The following AXL variants were observed in gnomAD, a reference collection of about 807,000 sequenced individuals.
AXL encodes the protein tyrosine-protein kinase receptor UFO.
Under a neutral mutation model 104.5 loss-of-function variants are expected in AXL, and 52 were observed. The observed-to-expected ratio is 0.50, with a 90% CI of 0.40 to 0.63. AXL has a LOEUF of 0.63. AXL is among the 20% of genes least tolerant of loss of function. The pLI is 0.00. For synonymous variants in AXL, 455 were observed against 473.7 expected, an observed-to-expected ratio of 0.96 and a Z score of 0.51; for missense variants, 1,024 against 1,188.5, an observed-to-expected ratio of 0.86 and a Z score of 2.04.
Position 41,231,008 on chromosome 19 carries a change from G to T in AXL, c.628G>T (p.Ala210Ser). The T allele has an allele frequency of 6.2e-7, 1 of 1,613,896 alleles. No individual in the cohort carries two copies. Among genetic ancestry groups the T allele is most frequent in the Non-Finnish European group, 8.5e-7 (1 of 1,179,908 alleles). The change falls in exon 5 of 20, where the codon GCC (alanine) becomes TCC (serine). Residue 210 changes from alanine (A) to serine (S), a missense_variant. By Grantham distance (99) the Ala-to-Ser change is moderately conservative. Coordinates refer to ENST00000301178, the MANE Select transcript of AXL (RefSeq NM_021913.5). ...TSSFSCEAHNAKGVTTSRTAT... is the reference protein window; with the variant it reads ...TSSFSCEAHNSKGVTTSRTAT... ...CTCTTTCTCCTGCGAAGCCCATAAC[G>T]CCAAGGGGGTCACCACATCCCGCAC...
chr19:41,253,610 T>A lies in AXL; in HGVS notation c.1938T>A (p.Thr646=). The A allele has an allele frequency of 6.2e-7, 1 of 1,613,448 alleles. No homozygotes were observed. The highest frequency in any genetic ancestry group is 2.2e-5 in the East Asian group (1 of 44,848). The change falls in exon 17 of 20, where the codon ACT becomes ACA. Residue 646 remains threonine, a synonymous_variant. Transcript: ENST00000301178. Reference sequence around the variant, plus strand: ...CCTTGGCTCCCCAGTACCTGCCCACTCAGATGCTAGTGAAGTTCATGGCAG... The same window carrying A: ...CCTTGGCTCCCCAGTACCTGCCCACACAGATGCTAGTGAAGTTCATGGCAG... ...RLGDQPVYLP[T]QMLVKFMADI...
chr19:41,248,066 G>T (rs960910373), intron 12 of AXL, among the ~76,000 whole-genome samples: 4 of 151,234 alleles, frequency 2.6e-5, no homozygotes, highest in Admixed American at 6.6e-5. Flanking sequence ...GGGACTACAG[G>T]CATGTGCCAC....
In AXL at chr19:41,260,909, T is replaced by C. The variant is rs1019950286; in HGVS notation, c.*1005T>C. ...TCTCTGGCTGTAAGGCTCTAGATCA[T>C]AAGGCTTCAAAATGTTATCTTCTCA... On this transcript the variant is annotated 3_prime_UTR_variant, in exon 20 of 20. Coordinates refer to ENST00000301178, the MANE Select transcript of AXL (RefSeq NM_021913.5). 2.0e-5 allele frequency: 3 copies of C among 152,170 alleles called. No homozygotes were observed. The highest frequency in any genetic ancestry group is 4.4e-5 in the Non-Finnish European group (3 of 68,024). The allele number at this position is 152,170 out of a possible 1,614,324, so 9.4% of individuals were successfully genotyped here.
intron 4 of AXL, chr19:41,226,929 C>T: frequency 4.8e-6 from 2 of 416,204 alleles, no homozygotes; most frequent in Non-Finnish European, 6.4e-6. Flanking sequence ...CTCTCCTCTT[C>T]TCTACAAAAA....
intron 6 of AXL, among the ~76,000 whole-genome samples, chr19:41,235,282 C>T (rs1163306561): frequency 1.3e-5 from 2 of 151,756 alleles, no homozygotes; most frequent in African/African-American, 4.8e-5. Flanking sequence ...ACCTGGGAGG[C>T]GGAGGTTGCA....
At position 41,248,829 on chromosome 19, in the gene AXL, C is replaced by T. The variant is rs200389065; in HGVS notation, c.1711+9C>T. ...TGTGAAGACGATGAAGAGTGAGTTA[C>T]GTGCACATGTGTAGGACCCCCAGCT... On this transcript the variant is annotated intron_variant, in intron 14 of 19. Transcript: ENST00000301178. 3.4e-4 allele frequency: 549 copies of T among 1,602,580 alleles called. No homozygotes were observed. Among genetic ancestry groups the T allele is most frequent in the Admixed American group, 8.0e-4 (47 of 58,996 alleles).
rs573616355 is a variant in AXL at position 41,220,988 on chromosome 19, G to A, written c.308+130G>A. The A allele has an allele frequency of 4.1e-5, 52 of 1,256,582 alleles. No homozygotes were observed. The African/African-American group carries it at 5.6e-4, about 13-fold the overall frequency. The allele number at this position is 1,256,582 out of a possible 1,614,324, so 77.8% of individuals were successfully genotyped here. The stretch of plus-strand genomic sequence containing the variant: ...TTTGAGCATGTGATGGAACCTCTAG[G>A]TTTCGTTTTCCTCTTCTGCAAAATG... On this transcript the variant is annotated intron_variant, in intron 2 of 19. Transcript: ENST00000301178.
intron 10 of AXL, among the ~76,000 whole-genome samples, chr19:41,241,280 G>A (rs929392288): frequency 2.0e-5 from 3 of 152,056 alleles, no homozygotes; most frequent in African/African-American, 4.8e-5. Context: ...AATGGCTCAC[G>A]CCTGTAATCC....
intron 13 of AXL, 40 bp from the exon 14 acceptor site, chr19:41,248,700 CACG>C (rs1285401387): frequency 1.9e-5 from 31 of 1,612,778 alleles, no homozygotes; most frequent in Non-Finnish European, 2.5e-5. Context: ...ATACAGTCCC[CACG>C]GGCCCTCTGA....
Position 41,231,078 on chromosome 19 carries a change from G to T in AXL, c.667+31G>T, listed in dbSNP as rs766652458. On this transcript the variant is annotated intron_variant, in intron 5 of 19. Coordinates refer to ENST00000301178, the MANE Select transcript of AXL (RefSeq NM_021913.5). ...AGAGTTGGGAGGTGGGGAGCTGGGC[G>T]TCAGAGGGTGGGGTTTGGGTCCGGG... 8.7e-6 allele frequency: 14 copies of T among 1,613,074 alleles called. No individual in the cohort carries two copies. In the South Asian group the frequency reaches 1.4e-4, roughly 16 times the overall value.
chr19:41,229,967 TTGTG>T (rs150285165), intron 4 of AXL, among the ~76,000 whole-genome samples: 7 of 151,936 alleles, frequency 4.6e-5, no homozygotes, highest in Middle Eastern at 6.8e-3. Context: ...GTGTGTCTCC[TTGTG>T]TGTGTGTGTC....
intron 4 of AXL, among the ~76,000 whole-genome samples, chr19:41,225,953 C>G (rs973146388): frequency 6.6e-6 from 1 of 152,168 alleles, no homozygotes; most frequent in Admixed American, 6.5e-5. Context: ...TCTGGAAAAG[C>G]TGGGGCGGAG....
intron 3 of AXL, chr19:41,221,534 C>A (rs1032488865): frequency 2.6e-4 from 126 of 490,076 alleles, no homozygotes; most frequent in Non-Finnish European, 4.4e-4. Flanking sequence ...GGAGGCCATT[C>A]TGGTCTTCAG....
intron 16 of AXL, among the ~76,000 whole-genome samples, chr19:41,253,388 G>A (rs1221526056): frequency 6.6e-6 from 1 of 152,166 alleles, no homozygotes; most frequent in African/African-American, 2.4e-5. Flanking sequence ...GGGAGTGTCA[G>A]TCAAGGGCAA....
At chr19:41,242,467 T>C (rs1343922420) in intron 10 of AXL, among the ~76,000 whole-genome samples, 1 of 151,714 alleles carries the variant, frequency 6.6e-6, no homozygotes, top group Non-Finnish European at 1.5e-5. Flanking sequence ...GGATTGCAGG[T>C]GTGCACCACC....
intron 4 of AXL, among the ~76,000 whole-genome samples, chr19:41,224,392 A>C (rs2033843542): frequency 1.3e-5 from 2 of 151,836 alleles, no homozygotes; most frequent in African/African-American, 4.8e-5. Flanking sequence ...TTTTTTTTCA[A>C]GATAAGCTCC....
In AXL at chr19:41,253,786, T is replaced by A. The variant is rs2034409021; in HGVS notation, c.2036+78T>A. On this transcript the variant is annotated intron_variant, in intron 17 of 19. Coordinates refer to ENST00000301178, the MANE Select transcript of AXL (RefSeq NM_021913.5). ...GGAGTTCCCTCCCTCCTTCTTAGGA[T>A]GGAAGCAGGGCTAGACACCCGCTGA... The A allele has an allele frequency of 7.5e-6, 9 of 1,193,186 alleles. 1 individual carries two copies. The highest frequency in any genetic ancestry group is 2.6e-5 in the South Asian group (2 of 77,504). 73.9% of individuals were successfully genotyped at this position (1,193,186 alleles called of 1,614,324 possible).
At chr19:41,220,449 T>C in intron 1 of AXL, 187 bp from the exon 2 acceptor site, 1 of 586,148 alleles carries the variant, frequency 1.7e-6, no homozygotes, top group Non-Finnish European at 3.0e-6. Context: ...CCCAGTCCCT[T>C]GGGAGGGCTC....
At chr19:41,220,952 A>G (rs2033780083) in intron 2 of AXL, 94 bp downstream of exon 2, 1 of 1,442,462 alleles carries the variant, frequency 6.9e-7, no homozygotes, top group Non-Finnish European at 9.5e-7. Context: ...ACCACTTGTC[A>G]GCCGTGCGGC....
Sources: allele counts gnomAD v4.1 joint callset (sites outside exome capture counted in the v4.1 genomes callset), GRCh38; gene constraint gnomAD v4.1.1; transcripts MANE v1.5; gene names NCBI Gene and HGNC (gene_info 2026-07-23, HGNC 2026-07-21).